The following MAST4 variants were observed in gnomAD, a reference collection of about 807,000 sequenced individuals.
MAST4 encodes the protein microtubule associated serine/threonine kinase family member 4, also known as microtubule-associated serine/threonine-protein kinase 4.
In MAST4, 89 loss-of-function variants were observed where a neutral mutation model predicts 162.7. The ratio of observed to expected loss-of-function variants is 0.55; its 90% CI spans 0.46 to 0.65. The LOEUF (loss-of-function observed/expected upper bound fraction) is 0.65, where lower values mean the gene tolerates loss of function less well. MAST4 is among the 30% of genes least tolerant of loss of function. The pLI, the probability that MAST4 is intolerant of heterozygous loss-of-function variation, is 0.00. For synonymous variants in MAST4, 1,479 were observed against 1,361.1 expected (o/e 1.09, Z -1.91); for missense variants, 3,153 against 3,374.0 (o/e 0.93, Z 1.62).
intron 5 of MAST4, among the ~76,000 whole-genome samples, chr5:67,076,917 T>C (rs1299769709): frequency 6.6e-6 from 1 of 152,194 alleles, no homozygotes; most frequent in African/African-American, 2.4e-5. Flanking sequence ...ACTAAGTAAG[T>C]AACTGTGAGG....
At chr5:66,970,346 G>A (rs1038997271) in intron 4 of MAST4, among the ~76,000 whole-genome samples, 1 of 152,170 alleles carries the variant, frequency 6.6e-6, no homozygotes. Context: ...TAAACTTACT[G>A]CAGAAAGGTT....
intron 1 of MAST4, among the ~76,000 whole-genome samples, chr5:66,640,114 T>C (rs1433458737): frequency 6.6e-6 from 1 of 152,180 alleles, no homozygotes; most frequent in Non-Finnish European, 1.5e-5. Context: ...TCTGCTTCCT[T>C]TTTCTATGTA....
chr5:67,026,153 T>C (rs74993240), intron 4 of MAST4, among the ~76,000 whole-genome samples: 2,931 of 152,302 alleles, frequency 0.019, 118 homozygotes, highest in African/African-American at 0.068. Context: ...AAGGTCTAAA[T>C]ATACAATGAA....
In MAST4 at chr5:67,152,591, C is replaced by T. The variant is rs759716919; in HGVS notation, c.3296-46C>T. ...GGGGTGAGGGTTGCCTGCATGGATG[C>T]TTGTGTGAGCCACATGGGCTTTGAT... On this transcript the variant is annotated intron_variant, in intron 24 of 28. Transcript: ENST00000403625. 2.6e-6 allele frequency: 4 copies of T among 1,540,708 alleles called. No homozygotes were observed. In the South Asian group the frequency reaches 4.5e-5, roughly 17 times the overall value.
At chr5:66,683,535 A>T (rs1270129958) in intron 1 of MAST4, among the ~76,000 whole-genome samples, 1 of 152,278 alleles carries the variant, frequency 6.6e-6, no homozygotes. Flanking sequence ...TCAAGCTAGG[A>T]TCAAGGTTGA....
chr5:66,930,343 T>C (rs6871022), intron 4 of MAST4, among the ~76,000 whole-genome samples: 4,602 of 152,326 alleles, frequency 0.03, 216 homozygotes, highest in African/African-American at 0.1. Context: ...TGCTTTTTAC[T>C]GTTGTTTCAG....
At chr5:66,650,330 A>G (rs1014947965) in intron 1 of MAST4, among the ~76,000 whole-genome samples, 1 of 152,116 alleles carries the variant, frequency 6.6e-6, no homozygotes, top group Non-Finnish European at 1.5e-5. Context: ...TCATGGTGAT[A>G]TAAGCCTACC....
intron 4 of MAST4, among the ~76,000 whole-genome samples, chr5:67,011,238 C>T (rs1752634033): frequency 6.6e-6 from 1 of 152,140 alleles, no homozygotes; most frequent in African/African-American, 2.4e-5. Flanking sequence ...AGCCCCTCCC[C>T]TGCAGCCTAG....
intron 1 of MAST4, among the ~76,000 whole-genome samples, chr5:66,692,418 T>G (rs1218356451): frequency 6.6e-6 from 1 of 151,954 alleles, no homozygotes; most frequent in South Asian, 2.1e-4. Context: ...TCTCTTTTTT[T>G]TTTTTTTACT....
intron 2 of MAST4, among the ~76,000 whole-genome samples, chr5:66,770,235 G>C (rs190264999): frequency 6.6e-6 from 1 of 152,174 alleles, no homozygotes; most frequent in Non-Finnish European, 1.5e-5. Flanking sequence ...TTTATAGCCT[G>C]GATATTTTGT....
intron 1 of MAST4, among the ~76,000 whole-genome samples, chr5:66,698,436 C>A (rs1749552021): frequency 6.6e-6 from 1 of 151,882 alleles, no homozygotes; most frequent in African/African-American, 2.4e-5. Flanking sequence ...GCTGTCCTAC[C>A]CCCTTGCTGG....
intron 5 of MAST4, among the ~76,000 whole-genome samples, chr5:67,057,006 C>T (rs1205378177): frequency 6.6e-6 from 1 of 152,104 alleles, no homozygotes. Flanking sequence ...CCGCACCCAG[C>T]ATTGTTTTTC....
rs1765373209 is a variant in MAST4, at chr5:67,104,476, T to G, written c.1257T>G (p.Ile419Met). Residue 419 changes from isoleucine (I) to methionine (M), a missense_variant, in exon 10 of 29, where the codon ATT becomes ATG. This residue lies in a region of MAST4 where 360 missense variants were observed against 450.0 expected (regional missense o/e 0.80). Coordinates refer to ENST00000403625, the MANE Select transcript of MAST4 (RefSeq NM_001164664.2). ...GVLSFTHHQIIELARDCLDKS... is the reference protein window; with the variant it reads ...GVLSFTHHQIMELARDCLDKS... ...TTAGTTTCACTCACCACCAGATTAT[T>G]GAACTGGCTCGAGATTGCTTGGATA... is the stretch of plus-strand genomic sequence containing the variant. 1 of 1,613,966 alleles carries G rather than the reference T, an allele frequency of 6.2e-7. No individual in the cohort carries two copies. The highest frequency in any genetic ancestry group is 8.5e-7 in the Non-Finnish European group (1 of 1,179,846).
At chr5:66,859,017 C>T (rs1025797619) in intron 3 of MAST4, among the ~76,000 whole-genome samples, 1 of 152,088 alleles carries the variant, frequency 6.6e-6, no homozygotes, top group African/African-American at 2.4e-5. Context: ...TATCTAAAAT[C>T]TCTGAGCTCT....
At chr5:66,645,848 T>C (rs1174968140) in intron 1 of MAST4, among the ~76,000 whole-genome samples, 2 of 152,336 alleles carry the variant, frequency 1.3e-5, no homozygotes, top group African/African-American at 4.8e-5. Flanking sequence ...TTCTAGTCCA[T>C]TCCACCTTTC....
At chr5:66,908,056 C>A (rs956728379) in intron 4 of MAST4, among the ~76,000 whole-genome samples, 23 of 152,096 alleles carry the variant, frequency 1.5e-4, no homozygotes, top group African/African-American at 5.1e-4. Flanking sequence ...TCGAGTGTCG[C>A]ATCTGAATTA....
chr5:66,687,467 CATGTATATATGTATACATACATAT>C (rs1748736191), intron 1 of MAST4, among the ~76,000 whole-genome samples: 1 of 150,840 alleles, frequency 6.6e-6, no homozygotes, highest in African/African-American at 2.5e-5. Flanking sequence ...CCATAGTATA[CATGTATATATGTATACATACATAT>C]ATGTATATGT....
chr5:66,878,945 G>A (rs947484007), intron 3 of MAST4, among the ~76,000 whole-genome samples: 1 of 152,178 alleles, frequency 6.6e-6, no homozygotes, highest in African/African-American at 2.4e-5. Context: ...TGAATAAATG[G>A]CTCATACGCA....
At chr5:66,979,251 T>C (rs1432275708) in intron 4 of MAST4, among the ~76,000 whole-genome samples, 1 of 152,118 alleles carries the variant, frequency 6.6e-6, no homozygotes, top group Non-Finnish European at 1.5e-5. Flanking sequence ...ACTTCATATA[T>C]AATGTAGATG....
Sources: allele counts gnomAD v4.1 joint callset (sites outside exome capture counted in the v4.1 genomes callset), GRCh38; gene constraint gnomAD v4.1.1; regional missense constraint gnomAD v4.1.1; transcripts MANE v1.5; gene names NCBI Gene and HGNC (gene_info 2026-07-23, HGNC 2026-07-21).